The following GABRG3 variants were observed in gnomAD, a reference collection of about 807,000 sequenced individuals.
GABRG3 encodes gamma-aminobutyric acid receptor subunit gamma-3.
A neutral mutation model predicts 48.8 loss-of-function variants in GABRG3; 25 were observed. The observed-to-expected ratio is 0.51, with a 90% CI of 0.37 to 0.72. The LOEUF (loss-of-function observed/expected upper bound fraction) is 0.72. GABRG3 is among the 30% of genes least tolerant of loss of function. The pLI, the probability that GABRG3 is intolerant of heterozygous loss-of-function variation, is 0.00. For missense variants in GABRG3, 394 were observed against 577.9 expected (o/e 0.68, Z 3.26); for synonymous variants, 227 against 217.6 (o/e 1.04, Z -0.38).
chr15:27,165,943 T>C (rs998271085), intron 3 of GABRG3, among the ~76,000 whole-genome samples: 1 of 152,036 alleles, frequency 6.6e-6, no homozygotes, highest in African/African-American at 2.4e-5. Context: ...AAGTGAGAGA[T>C]GTAAGAAGAC....
intron 3 of GABRG3, among the ~76,000 whole-genome samples, chr15:27,087,117 C>T (rs754353943): frequency 4.6e-5 from 7 of 152,232 alleles, no homozygotes; most frequent in East Asian, 1.9e-4. Context: ...AGATGGGTGA[C>T]GTGACCTGAG....
At chr15:27,435,236 T>C (rs1194313044) in intron 5 of GABRG3, among the ~76,000 whole-genome samples, 1 of 150,524 alleles carries the variant, frequency 6.6e-6, no homozygotes, top group African/African-American at 2.4e-5. Flanking sequence ...TACTATTTTA[T>C]ATACTCTTCC....
intron 3 of GABRG3, among the ~76,000 whole-genome samples, chr15:27,186,015 CTTTT>C (rs10580180): frequency 3.8e-5 from 5 of 131,310 alleles, no homozygotes; most frequent in African/African-American, 8.4e-5. Context: ...GTATTTAAAT[CTTTT>C]TTTTTTTTTT....
At chr15:27,240,296 C>T (rs969724444) in intron 3 of GABRG3, among the ~76,000 whole-genome samples, 2 of 152,168 alleles carry the variant, frequency 1.3e-5, no homozygotes, top group Non-Finnish European at 2.9e-5. Flanking sequence ...GGGGTACACA[C>T]GTGAGCGCTC....
chr15:27,241,223 AGGTCATT>A lies in GABRG3; in HGVS notation c.271-85579_271-85573del, dbSNP rs201552188. Among the ~76,000 whole-genome samples, 1,270 of 152,356 alleles carry A rather than the reference AGGTCATT, an allele frequency of 8.3e-3. 16 individuals are homozygous for A. The highest frequency in any genetic ancestry group is 0.028 in the African/African-American group (1,185 of 41,584). On this transcript the variant is annotated intron_variant, in intron 3 of 9. Transcript: ENST00000615808. ...ACTATATGGTACCCGAGGTCACAAC[AGGTCATT>A]GGTCATGAGGTGTTTGTGTCAGTGT...
chr15:27,350,015 G>C, intron 5 of GABRG3: 2 of 429,750 alleles, frequency 4.7e-6, no homozygotes, highest in South Asian at 3.3e-5. Context: ...TTAAATAGTA[G>C]CCAAAAGATT....
At chr15:27,038,210 CTA>C (rs1896212139) in intron 3 of GABRG3, among the ~76,000 whole-genome samples, 1 of 152,042 alleles carries the variant, frequency 6.6e-6, no homozygotes. Flanking sequence ...AAGTCCAAGT[CTA>C]AGACTGGGAA....
At chr15:26,972,082 T>C (rs1013975147) in intron 1 of GABRG3, among the ~76,000 whole-genome samples, 1 of 151,780 alleles carries the variant, frequency 6.6e-6, no homozygotes. Context: ...CGCGGGGGGA[T>C]TGGAACCAGG....
At chr15:27,209,070 G>C (rs1763785649) in intron 3 of GABRG3, among the ~76,000 whole-genome samples, 1 of 152,226 alleles carries the variant, frequency 6.6e-6, no homozygotes, top group Non-Finnish European at 1.5e-5. Flanking sequence ...CAGCACGGCT[G>C]CTCAGGGCAC....
intron 6 of GABRG3, among the ~76,000 whole-genome samples, chr15:27,487,244 T>C (rs889844502): frequency 2.0e-5 from 3 of 152,226 alleles, no homozygotes; most frequent in African/African-American, 7.2e-5. Context: ...ACAAATCATA[T>C]CTGAATATGT....
rs527263987 is a variant in GABRG3 at position 27,167,515 on chromosome 15, A to G, written c.270+140694A>G. Among the ~76,000 whole-genome samples the G allele has an allele frequency of 4.6e-5, 7 of 152,290 alleles. No individual in the cohort carries two copies. In the East Asian group the frequency reaches 1.4e-3, roughly 29 times the overall value. ...GTGGTGGGTGGCTCAGAGTGAGGCT[A>G]TTGTTCTTAGTTAACAGAGGCTAAA... On this transcript the variant is annotated intron_variant, in intron 3 of 9. Transcript: ENST00000615808.
intron 6 of GABRG3, among the ~76,000 whole-genome samples, chr15:27,496,263 C>G (rs1271914000): frequency 6.7e-6 from 1 of 150,170 alleles, no homozygotes; most frequent in Admixed American, 6.7e-5. Context: ...TACAACAGAA[C>G]AGTGGGCAAG....
intron 2 of GABRG3, among the ~76,000 whole-genome samples, chr15:26,989,598 A>G (rs545900214): frequency 6.6e-6 from 1 of 152,036 alleles, no homozygotes; most frequent in East Asian, 2.0e-4. Context: ...TTGGGTATCC[A>G]TTGCCTCAAG....
At chr15:26,985,394 GT>G (rs1287029793) in intron 2 of GABRG3, among the ~76,000 whole-genome samples, 9 of 152,222 alleles carry the variant, frequency 5.9e-5, no homozygotes, top group Non-Finnish European at 1.5e-5. Context: ...GTGGGGCTGT[GT>G]CCCCCAAATA....
intron 3 of GABRG3, among the ~76,000 whole-genome samples, chr15:27,296,118 T>G (rs1891975270): frequency 6.6e-6 from 1 of 152,150 alleles, no homozygotes; most frequent in Non-Finnish European, 1.5e-5. Context: ...CAGCTGCACC[T>G]GACTTGAAGA....
chr15:27,110,964 C>T (rs1050011806), intron 3 of GABRG3, among the ~76,000 whole-genome samples: 4 of 152,142 alleles, frequency 2.6e-5, no homozygotes, highest in African/African-American at 9.6e-5. Context: ...ACTTTTATTA[C>T]TTCAAATATT....
intron 5 of GABRG3, among the ~76,000 whole-genome samples, chr15:27,478,795 T>A (rs1890024026): frequency 6.6e-6 from 1 of 152,196 alleles, no homozygotes; most frequent in Non-Finnish European, 1.5e-5. Context: ...ATCTGTACAA[T>A]AAAATATTAT....
At chr15:26,997,741 G>C (rs1895368179) in intron 2 of GABRG3, among the ~76,000 whole-genome samples, 1 of 152,176 alleles carries the variant, frequency 6.6e-6, no homozygotes, top group Non-Finnish European at 1.5e-5. Context: ...ATATCTGTGT[G>C]TCTTTGAGTT....
intron 5 of GABRG3, among the ~76,000 whole-genome samples, chr15:27,425,794 G>A (rs1352043714): frequency 6.6e-6 from 1 of 152,168 alleles, no homozygotes; most frequent in African/African-American, 2.4e-5. Flanking sequence ...TGGTATGAAG[G>A]TTTAGGCCTG....
Sources: allele counts gnomAD v4.1 joint callset (sites outside exome capture counted in the v4.1 genomes callset), GRCh38; gene constraint gnomAD v4.1.1; transcripts MANE v1.5; gene names NCBI Gene and HGNC (gene_info 2026-07-23, HGNC 2026-07-21).